The following PDE4B variants were observed in gnomAD, a reference collection of about 807,000 sequenced individuals.
The protein encoded by PDE4B is 3',5'-cyclic-AMP phosphodiesterase 4B.
Under a neutral mutation model 82.2 loss-of-function variants are expected in PDE4B, and 20 were observed. The ratio of observed to expected loss-of-function variants is 0.24; its 90% CI spans 0.17 to 0.35. PDE4B has a LOEUF of 0.35. Among genes scored for constraint, PDE4B ranks in the 10% least tolerant of loss-of-function variants. PDE4B has a pLI of 1.00. For synonymous variants in PDE4B, 320 were observed against 318.9 expected (o/e 1.00, Z -0.04); for missense variants, 655 against 907.2 (o/e 0.72, Z 3.57).
chr1:66,065,563 G>A (rs1655801287), intron 3 of PDE4B, among the ~76,000 whole-genome samples: 2 of 151,442 alleles, frequency 1.3e-5, no homozygotes, highest in Admixed American at 6.6e-5. Context: ...TCTTGAATGC[G>A]GGAACTGTAT....
intron 6 of PDE4B, among the ~76,000 whole-genome samples, chr1:66,265,030 C>T (rs1321172): frequency 6.6e-6 from 1 of 152,080 alleles, no homozygotes; most frequent in Admixed American, 6.5e-5. Context: ...TTGCAAATGT[C>T]CTGTTACTCC....
chr1:66,005,001 T>C (rs750757122), intron 3 of PDE4B, among the ~76,000 whole-genome samples: 1 of 152,018 alleles, frequency 6.6e-6, no homozygotes, highest in Non-Finnish European at 1.5e-5. Flanking sequence ...ATTAGTATGG[T>C]TGAGAAGCAT....
intron 3 of PDE4B, chr1:66,094,583 G>C (rs535699342): frequency 1.3e-5 from 2 of 151,952 alleles, no homozygotes; most frequent in Non-Finnish European, 2.9e-5. Context: ...CACTCTCTTG[G>C]CTTACGAACT....
At chr1:65,987,523 T>A (rs549187836) in intron 3 of PDE4B, among the ~76,000 whole-genome samples, 1 of 152,236 alleles carries the variant, frequency 6.6e-6, no homozygotes, top group Non-Finnish European at 1.5e-5. Flanking sequence ...TGGTGAAGTA[T>A]AATAAAATGG....
At chr1:66,354,594 A>G in intron 8 of PDE4B, 1 of 1,324,526 alleles carries the variant, frequency 7.5e-7, no homozygotes, top group Non-Finnish European at 9.7e-7. Flanking sequence ...CCTTCGTGCA[A>G]TTCCTGATTT....
At chr1:65,941,755 A>C (rs1439219847) in intron 3 of PDE4B, among the ~76,000 whole-genome samples, 1 of 152,052 alleles carries the variant, frequency 6.6e-6, no homozygotes, top group Non-Finnish European at 1.5e-5. Flanking sequence ...TTTGTGATGA[A>C]ACACTTAAAA....
rs1479567058 is a variant in PDE4B at position 65,800,588 on chromosome 1, AAAGTTCTTTCCAGCATTATCAT to A, written c.-71+7341_-71+7362del. Reference sequence around the variant, plus strand: ...ATAAGGCCAGCTTATGATAATCTCTAAAGTTCTTTCCAGCATTATCATTTGGTGAAACTTCAGATTAGTGGAT... The same window carrying A: ...ATAAGGCCAGCTTATGATAATCTCTATTGGTGAAACTTCAGATTAGTGGAT... On this transcript the variant is annotated intron_variant, in intron 1 of 16. Transcript: ENST00000341517. 3.3e-5 allele frequency among the ~76,000 whole-genome samples: 5 copies of A among 152,362 alleles called. No homozygotes were observed. The South Asian group carries it at 1.0e-3, about 32-fold the overall frequency.
intron 3 of PDE4B, among the ~76,000 whole-genome samples, chr1:65,989,767 A>T (rs1455964723): frequency 1.3e-5 from 2 of 151,968 alleles, no homozygotes; most frequent in Non-Finnish European, 2.9e-5. Flanking sequence ...CTCAAATAGT[A>T]TACTTTGCTG....
chr1:66,150,414 A>G (rs1646367885), intron 3 of PDE4B, among the ~76,000 whole-genome samples: 1 of 152,210 alleles, frequency 6.6e-6, no homozygotes. Context: ...GAAGTCATTT[A>G]TTAGCACTAA....
intron 8 of PDE4B, among the ~76,000 whole-genome samples, chr1:66,334,414 A>G (rs1442077557): frequency 6.6e-6 from 1 of 152,224 alleles, no homozygotes; most frequent in African/African-American, 2.4e-5. Context: ...ATTAAAAATA[A>G]TCTTATTCAG....
chr1:66,028,135 C>T (rs1005005891), intron 3 of PDE4B, among the ~76,000 whole-genome samples: 15 of 152,212 alleles, frequency 9.9e-5, no homozygotes, highest in Non-Finnish European at 1.5e-5. Flanking sequence ...CCTGGGCATG[C>T]GTGCATTTTC....
intron 1 of PDE4B, among the ~76,000 whole-genome samples, chr1:65,813,273 G>A (rs1354008504): frequency 6.6e-6 from 1 of 152,100 alleles, no homozygotes; most frequent in African/African-American, 2.4e-5. Flanking sequence ...AGATGTGAGA[G>A]GTATACGGAG....
At chr1:66,063,984 T>C (rs1205915045) in intron 3 of PDE4B, among the ~76,000 whole-genome samples, 1 of 151,942 alleles carries the variant, frequency 6.6e-6, no homozygotes, top group Non-Finnish European at 1.5e-5. Context: ...TAATAATGTT[T>C]GGGAAAGATC....
chr1:66,093,337 G>T (rs1645059850), intron 3 of PDE4B, among the ~76,000 whole-genome samples: 1 of 152,062 alleles, frequency 6.6e-6, no homozygotes, highest in Non-Finnish European at 1.5e-5. Flanking sequence ...AAAACCACAT[G>T]ATGAGGTGGG....
intron 12 of PDE4B, among the ~76,000 whole-genome samples, chr1:66,365,271 A>G (rs1663152918): frequency 6.6e-6 from 1 of 152,186 alleles, no homozygotes; most frequent in Admixed American, 6.5e-5. Context: ...TTCAGCTAAG[A>G]GTATATGAAG....
rs373467557 is a variant in PDE4B at position 65,943,936 on chromosome 1, G to A, written c.281+25101G>A. 5.7e-4 allele frequency among the ~76,000 whole-genome samples: 86 copies of A among 151,962 alleles called. 2 individuals carry two copies. The South Asian group carries it at 0.011, about 20-fold the overall frequency. ...TATAAGATCATGTCATTTTTACATAGGAACAATTTAACATCTTCTTTTCCA... is the reference window on the plus strand; with the variant it reads ...TATAAGATCATGTCATTTTTACATAAGAACAATTTAACATCTTCTTTTCCA... On this transcript the variant is annotated intron_variant, in intron 3 of 16. Transcript: ENST00000341517.
rs573841532 is a variant in PDE4B, at chr1:66,135,895, A to G, written c.282-111565A>G. 2.0e-3 allele frequency among the ~76,000 whole-genome samples: 301 copies of G among 152,332 alleles called. 8 individuals carry two copies. In the South Asian group the frequency reaches 0.03, roughly 15 times the overall value. On this transcript the variant is annotated intron_variant, in intron 3 of 16. Coordinates refer to ENST00000341517, the MANE Select transcript of PDE4B (RefSeq NM_002600.4). ...GAATCTGCCCTCCCAAACTTTGGAC[A>G]TGAAAAAGATGGAATGAGGGAGGAA...
chr1:66,288,099 G>A (rs944613246), intron 7 of PDE4B, among the ~76,000 whole-genome samples: 15 of 152,190 alleles, frequency 9.9e-5, no homozygotes, highest in African/African-American at 2.9e-4. Flanking sequence ...TGGCCTACAG[G>A]AAGCATAATA....
At chr1:65,937,984 A>G (rs1276115330) in intron 3 of PDE4B, among the ~76,000 whole-genome samples, 2 of 152,226 alleles carry the variant, frequency 1.3e-5, no homozygotes, top group African/African-American at 2.4e-5. Flanking sequence ...GATGGGCATT[A>G]TTCCTTAAGG....
Sources: gnomAD v4.1 joint callset for allele counts (sites outside exome capture counted in the v4.1 genomes callset) on GRCh38, gnomAD v4.1.1 for gene constraint, MANE v1.5 for transcripts, NCBI Gene and HGNC (gene_info 2026-07-23, HGNC 2026-07-21) for gene names.